THSD4: variants seen among roughly 807,000 people sequenced by gnomAD.
THSD4 encodes the protein thrombospondin type-1 domain-containing protein 4.
Under a neutral mutation model 119.0 loss-of-function variants are expected in THSD4, and 69 were observed. The observed-to-expected ratio is 0.58, with a 90% CI of 0.48 to 0.71. THSD4 has a LOEUF of 0.71. Among genes scored for constraint, THSD4 ranks in the 30% least tolerant of loss-of-function variants. The pLI, the probability that THSD4 is intolerant of heterozygous loss-of-function variation, is 0.00. For missense variants in THSD4, 1,393 were observed against 1,391.1 expected, an observed-to-expected ratio of 1.00 and a Z score of -0.02; for synonymous variants, 524 against 540.4, an observed-to-expected ratio of 0.97 and a Z score of 0.42.
intron 7 of THSD4, among the ~76,000 whole-genome samples, chr15:71,651,794 T>A (rs994002663): frequency 5.2e-4 from 79 of 152,358 alleles, no homozygotes; most frequent in African/African-American, 1.6e-3. Context: ...ACAGTCATTG[T>A]TTTTGTTAAT....
chr15:71,673,002 T>C (rs1415111664), intron 8 of THSD4, among the ~76,000 whole-genome samples: 6 of 152,226 alleles, frequency 3.9e-5, no homozygotes, highest in Non-Finnish European at 7.4e-5. Context: ...GCTGGCCTCA[T>C]AAAATGAGTT....
At chr15:71,398,683 C>T (rs1389505253) in intron 6 of THSD4, among the ~76,000 whole-genome samples, 4 of 151,998 alleles carry the variant, frequency 2.6e-5, no homozygotes, top group African/African-American at 7.3e-5. Flanking sequence ...TGATTGGCAA[C>T]CCAGCAGAAG....
chr15:71,382,466 G>C (rs1036965250), intron 6 of THSD4, among the ~76,000 whole-genome samples: 1 of 151,780 alleles, frequency 6.6e-6, no homozygotes, highest in Non-Finnish European at 1.5e-5. Context: ...TTTATAATAC[G>C]CATCTTCCAC....
chr15:71,780,068 T>C lies in THSD4; in HGVS notation c.*2694T>C, dbSNP rs2053974913. On this transcript the variant is annotated 3_prime_UTR_variant, in exon 18 of 18. Coordinates refer to ENST00000261862, the MANE Select transcript of THSD4 (RefSeq NM_024817.3). ...TGGGTATTTCCAGTGATAACTTTCC[T>C]TGGAGAGGATCTAAGAAAAGCCCAG... 6.6e-6 allele frequency: 1 copy of C among 152,302 alleles called. No homozygotes were observed. The highest frequency in any genetic ancestry group is 1.5e-5 in the Non-Finnish European group (1 of 68,118). 9.4% of individuals were successfully genotyped at this position (152,302 alleles called of 1,614,324 possible). A position where few individuals can be genotyped will look rare whatever the true frequency, so the allele number is the denominator to read the frequency against.
chr15:71,624,967 G>A (rs1028611238), intron 7 of THSD4, among the ~76,000 whole-genome samples: 5 of 151,836 alleles, frequency 3.3e-5, no homozygotes, highest in Non-Finnish European at 7.4e-5. Context: ...TTTTTTTCTA[G>A]TGGGCCAGTG....
chr15:71,422,496 C>T (rs1187813332), intron 7 of THSD4, among the ~76,000 whole-genome samples: 1 of 152,192 alleles, frequency 6.6e-6, no homozygotes, highest in East Asian at 1.9e-4. Flanking sequence ...CCCTGGATTA[C>T]CAGGTAGAGA....
At chr15:71,374,622 G>A (rs550382350) in intron 6 of THSD4, among the ~76,000 whole-genome samples, 57 of 152,240 alleles carry the variant, frequency 3.7e-4, no homozygotes, top group African/African-American at 1.3e-3. Flanking sequence ...TTCTTCAGAG[G>A]CTGCATTGAG....
intron 6 of THSD4, among the ~76,000 whole-genome samples, chr15:71,307,473 A>G (rs2045046161): frequency 6.6e-6 from 1 of 152,206 alleles, no homozygotes; most frequent in South Asian, 2.1e-4. Flanking sequence ...AAATCACAGT[A>G]CTTAAAAACC....
intron 7 of THSD4, among the ~76,000 whole-genome samples, chr15:71,437,121 G>T (rs1014483213): frequency 2.0e-5 from 3 of 151,990 alleles, no homozygotes; most frequent in African/African-American, 7.3e-5. Context: ...GGTGGAAGGT[G>T]AAGTGGGAGC....
intron 7 of THSD4, among the ~76,000 whole-genome samples, chr15:71,465,109 A>T (rs1467714956): frequency 6.6e-6 from 1 of 152,156 alleles, no homozygotes; most frequent in Non-Finnish European, 1.5e-5. Context: ...AATGCTAGGA[A>T]ATCTTAGCTT....
At chr15:71,368,197 T>C (rs890938942) in intron 6 of THSD4, among the ~76,000 whole-genome samples, 8 of 152,354 alleles carry the variant, frequency 5.3e-5, no homozygotes, top group African/African-American at 1.4e-4. Context: ...CTTTGTCAGA[T>C]GAGTAGATTG....
At chr15:71,262,321 C>T (rs1230596913) in intron 6 of THSD4, among the ~76,000 whole-genome samples, 3 of 152,122 alleles carry the variant, frequency 2.0e-5, no homozygotes, top group Admixed American at 6.6e-5. Context: ...TTAGGGTGCC[C>T]GTGCATCCCA....
intron 7 of THSD4, among the ~76,000 whole-genome samples, chr15:71,604,853 A>G (rs1567058632): frequency 6.6e-6 from 1 of 152,198 alleles, no homozygotes; most frequent in East Asian, 1.9e-4. Context: ...TCAACATAGA[A>G]TTCTATATCC....
At chr15:71,483,465 G>A (rs2047764956) in intron 7 of THSD4, among the ~76,000 whole-genome samples, 1 of 152,224 alleles carries the variant, frequency 6.6e-6, no homozygotes, top group African/African-American at 2.4e-5. Flanking sequence ...ACTTGATCAA[G>A]TGGAGTGAGA....
chr15:71,396,861 A>G (rs1038254718), intron 6 of THSD4, among the ~76,000 whole-genome samples: 4 of 152,222 alleles, frequency 2.6e-5, no homozygotes, highest in African/African-American at 9.6e-5. Context: ...TTTGGATTTA[A>G]TGTGACATGA....
At chr15:71,481,666 G>A (rs1420454560) in intron 7 of THSD4, among the ~76,000 whole-genome samples, 1 of 117,106 alleles carries the variant, frequency 8.5e-6, no homozygotes, top group African/African-American at 3.2e-5. Flanking sequence ...CATTAAGCCT[G>A]TAATTACCTA....
intron 11 of THSD4, among the ~76,000 whole-genome samples, chr15:71,744,808 A>G (rs1036808505): frequency 6.6e-6 from 1 of 152,278 alleles, no homozygotes; most frequent in Non-Finnish European, 1.5e-5. Flanking sequence ...CTTGAACTAT[A>G]ATGAAGATGC....
chr15:71,642,742 T>C (rs371573582), intron 7 of THSD4, among the ~76,000 whole-genome samples: 3 of 151,640 alleles, frequency 2.0e-5, no homozygotes, highest in Non-Finnish European at 2.9e-5. Context: ...TAGGTGGGAA[T>C]TGAACAATGA....
chr15:71,586,000 T>A (rs538295131), intron 7 of THSD4, among the ~76,000 whole-genome samples: 1 of 152,228 alleles, frequency 6.6e-6, no homozygotes, highest in Non-Finnish European at 1.5e-5. Context: ...CATTTAGTTA[T>A]CTAATTCTTT....
Sources: gnomAD v4.1 joint callset for allele counts (sites outside exome capture counted in the v4.1 genomes callset) on GRCh38, gnomAD v4.1.1 for gene constraint, MANE v1.5 for transcripts, NCBI Gene and HGNC (gene_info 2026-07-23, HGNC 2026-07-21) for gene names.